Variants in COPE observed in about 807,000 individuals in gnomAD.
The protein encoded by COPE is coat protein complex I subunit epsilon.
In COPE, 19 loss-of-function variants were observed where a neutral mutation model predicts 42.1. The observed-to-expected ratio is 0.45, with a 90% CI of 0.31 to 0.66. The LOEUF (loss-of-function observed/expected upper bound fraction) is 0.66, where lower values mean the gene tolerates loss of function less well. Among genes scored for constraint, COPE ranks in the 30% least tolerant of loss-of-function variants. The pLI is 0.05. For missense variants in COPE, 402 were observed against 416.1 expected (o/e 0.97, Z 0.30); for synonymous variants, 195 against 181.3 (o/e 1.08, Z -0.60).
intron 5 of COPE, 143 bp from the exon 6 acceptor site, chr19:18,904,995 A>C (rs2056745157): frequency 2.4e-6 from 2 of 827,520 alleles, no homozygotes; most frequent in Non-Finnish European, 3.8e-6. Context: ...CCCCACGACT[A>C]AGTGCCCGAG....
chr19:18,904,027 G>A (rs533667608), intron 6 of COPE, among the ~76,000 whole-genome samples: 108 of 152,268 alleles, frequency 7.1e-4, no homozygotes, highest in African/African-American at 2.4e-3. Flanking sequence ...GTGCACTGGC[G>A]CGATCTTGGC....
intron 8 of COPE, 146 bp downstream of exon 8, chr19:18,900,235 G>C (rs2056684734): frequency 5.8e-6 from 4 of 691,264 alleles, no homozygotes. Context: ...GGGTTGGGGG[G>C]CACAGGGTTT....
chr19:18,915,185 C>T (rs928842162), intron 1 of COPE, among the ~76,000 whole-genome samples: 10 of 152,052 alleles, frequency 6.6e-5, no homozygotes, highest in Non-Finnish European at 1.2e-4. Context: ...TGCACTCTGG[C>T]CTGGGTGACA....
At chr19:18,904,211 C>T (rs1209194853) in intron 6 of COPE, among the ~76,000 whole-genome samples, 5 of 152,230 alleles carry the variant, frequency 3.3e-5, no homozygotes, top group East Asian at 1.9e-4. Context: ...ATGATCCACC[C>T]GCCTCGGCCT....
chr19:18,903,422 C>A lies in COPE; in HGVS notation c.581G>T (p.Gly194Val). ...GTAGGCATCCTGCAGCTTCTCACCACCCTGCAGGGAGGGTCCCGCATCATT... is the reference window on the plus strand; with the variant it reads ...GTAGGCATCCTGCAGCTTCTCACCAACCTGCAGGGAGGGTCCCGCATCATT... ...LATAWVSLAT[G>V]GEKLQDAYYI... is the part of the protein sequence containing the mutation. The change falls in exon 7 of 10, where the codon GGT becomes GTT. Residue 194 changes from glycine (G) to valine (V), a missense_variant and splice_region_variant. By Grantham distance (109) the Gly-to-Val change is moderately radical. Coordinates refer to ENST00000262812, the MANE Select transcript of COPE (RefSeq NM_007263.4). The A allele has an allele frequency of 6.2e-7, 1 of 1,606,178 alleles. No individual in the cohort carries two copies. The highest frequency in any genetic ancestry group is 1.1e-5 in the South Asian group (1 of 90,020).
At chr19:18,906,200 T>C (rs528254241) in intron 4 of COPE, 1 of 358,990 alleles carries the variant, frequency 2.8e-6, no homozygotes, top group African/African-American at 2.1e-5. Flanking sequence ...ATTTTCTTTT[T>C]TGTGTGTGAG....
chr19:18,911,190 A>T, intron 2 of COPE, 119 bp from the exon 3 acceptor site: 1 of 832,904 alleles, frequency 1.2e-6, no homozygotes, highest in Non-Finnish European at 2.0e-6. Flanking sequence ...CCCTCAGCCC[A>T]GCATGGGCCA....
chr19:18,908,042 T>C (rs2056776965), intron 3 of COPE, among the ~76,000 whole-genome samples: 1 of 152,200 alleles, frequency 6.6e-6, no homozygotes, highest in Non-Finnish European at 1.5e-5. Context: ...CAAGACCATC[T>C]TACAAAGCTT....
chr19:18,918,482 A>G (rs2056879474), intron 1 of COPE, among the ~76,000 whole-genome samples: 1 of 152,038 alleles, frequency 6.6e-6, no homozygotes, highest in African/African-American at 2.4e-5. Context: ...TTTGTCACCC[A>G]GGCTGGAGTG....
At chr19:18,900,984 G>A (rs996568450) in intron 7 of COPE, among the ~76,000 whole-genome samples, 5 of 152,224 alleles carry the variant, frequency 3.3e-5, no homozygotes, top group African/African-American at 4.8e-5. Context: ...CCCAGAGCCC[G>A]ACCTGCCCAC....
At chr19:18,905,930 G>C (rs962089352) in intron 4 of COPE, 9 of 525,008 alleles carry the variant, frequency 1.7e-5, no homozygotes, top group South Asian at 2.8e-5. Flanking sequence ...GCCCGGACTC[G>C]ACACCCTGGA....
chr19:18,918,754 A>T (rs891098194), intron 1 of COPE, among the ~76,000 whole-genome samples: 4 of 152,208 alleles, frequency 2.6e-5, no homozygotes, highest in African/African-American at 9.6e-5. Flanking sequence ...TTCTGAGTCC[A>T]GCGGAATACA....
chr19:18,907,192 A>G, intron 3 of COPE, 80 bp from the exon 4 acceptor site: 1 of 1,507,558 alleles, frequency 6.6e-7, no homozygotes, highest in Non-Finnish European at 8.9e-7. Flanking sequence ...TTGGAAGCAG[A>G]CAGGTCCAGA....
At chr19:18,913,892 G>A (rs866907542) in intron 1 of COPE, among the ~76,000 whole-genome samples, 1 of 152,188 alleles carries the variant, frequency 6.6e-6, no homozygotes, top group African/African-American at 2.4e-5. Flanking sequence ...CAAACCAGGG[G>A]GAGTCACTCT....
At chr19:18,906,436 C>T (rs760534007) in intron 4 of COPE, among the ~76,000 whole-genome samples, 1 of 152,256 alleles carries the variant, frequency 6.6e-6, no homozygotes, top group African/African-American at 2.4e-5. Flanking sequence ...CAGCTTGCAA[C>T]TCACAGTGGA....
At chr19:18,912,566 G>A (rs1402537900) in intron 2 of COPE, among the ~76,000 whole-genome samples, 1 of 152,042 alleles carries the variant, frequency 6.6e-6, no homozygotes, top group African/African-American at 2.4e-5. Context: ...AGACCACCCT[G>A]GCTAATGTGG....
chr19:18,914,791 T>C (rs1409427032), intron 1 of COPE, among the ~76,000 whole-genome samples: 2 of 146,068 alleles, frequency 1.4e-5, no homozygotes, highest in Non-Finnish European at 3.0e-5. Flanking sequence ...AGTCTTGCTC[T>C]GTCACCCAGG....
intron 2 of COPE, 142 bp from the exon 3 acceptor site, chr19:18,911,213 T>C: frequency 1.4e-6 from 1 of 690,502 alleles, no homozygotes; most frequent in East Asian, 2.6e-5. Context: ...TCCACTGCAG[T>C]ACACTGTGGA....
Position 18,899,630 on chromosome 19 carries a change from CTCCTGGCCTCTG to C in COPE, c.*37_*48del. The C allele has an allele frequency of 1.2e-6, 2 of 1,609,978 alleles. No individual in the cohort carries two copies. Among genetic ancestry groups the C allele is most frequent in the Non-Finnish European group, 1.7e-6 (2 of 1,177,372 alleles). Reference sequence around the variant, plus strand: ...CGGGTGGGGAGGGCTGCAGGGCTGGCTCCTGGCCTCTGTCCTGGCTTCATGGTCCTGACAGCT... The same window carrying C: ...CGGGTGGGGAGGGCTGCAGGGCTGGCTCCTGGCTTCATGGTCCTGACAGCT... On this transcript the variant is annotated 3_prime_UTR_variant, in exon 10 of 10. Coordinates refer to ENST00000262812, the MANE Select transcript of COPE (RefSeq NM_007263.4).
Sources: allele counts gnomAD v4.1 joint callset (sites outside exome capture counted in the v4.1 genomes callset), GRCh38; gene constraint gnomAD v4.1.1; transcripts MANE v1.5; gene names NCBI Gene and HGNC (gene_info 2026-07-23, HGNC 2026-07-21).